Variants in IL17REL observed in about 807,000 individuals in gnomAD.
IL17REL encodes interleukin-17 receptor E-like protein.
A neutral mutation model predicts 49.0 loss-of-function variants in IL17REL; 36 were observed. The ratio of observed to expected loss-of-function variants is 0.73; its 90% confidence interval spans 0.56 to 0.97. IL17REL has a LOEUF of 0.97. IL17REL is among the 50% of genes least tolerant of loss of function. The pLI, the probability that IL17REL is intolerant of heterozygous loss-of-function variation, is 0.00. For synonymous variants in IL17REL, 206 were observed against 192.4 expected (o/e 1.07, Z -0.58); for missense variants, 470 against 453.9 (o/e 1.04, Z -0.32).
At chr22:49,997,890 AC>A in intron 9 of IL17REL, 134 bp downstream of exon 11, 1 of 1,402,730 alleles carries the variant, frequency 7.1e-7, no homozygotes, top group Non-Finnish European at 1.0e-6. Context: ...CCACTGTCAG[AC>A]CAGGAGGGGG....
chr22:50,010,913 G>T (rs2061137138), upstream of IL17REL, among the ~76,000 whole-genome samples: 1 of 151,848 alleles, frequency 6.6e-6, no homozygotes, highest in African/African-American at 2.4e-5. Flanking sequence ...GTCGGGGGGT[G>T]TGCAGGGAAC....
At chr22:50,011,174 C>G (rs2146765997), upstream of IL17REL, among the ~76,000 whole-genome samples, 1 of 151,756 alleles carries the variant, frequency 6.6e-6, no homozygotes, top group Admixed American at 6.5e-5. Flanking sequence ...ACCCCTCCTG[C>G]TCAACCCTCC....
In IL17REL at chr22:50,002,236, C is replaced by T. The variant is rs141413790; in HGVS notation, c.-41-1005G>A. 5.6e-3 allele frequency among the ~76,000 whole-genome samples: 852 copies of T among 152,310 alleles called. 7 individuals carry two copies. Among genetic ancestry groups the T allele is most frequent in the African/African-American group, 0.016 (682 of 41,566 alleles). ...TTCTTTTAGCTTTATGAAAACCCTG[C>T]GGAGCACTGCATTTGGGGCCTTGGC... On this transcript the variant is annotated intron_variant, in intron 1 of 12. Coordinates refer to ENST00000341280, the Ensembl canonical transcript of IL17REL.
intron 9 of IL17REL, 48 bp from the exon 12 acceptor site, chr22:49,997,790 A>G: frequency 1.3e-6 from 2 of 1,580,510 alleles, no homozygotes; most frequent in Non-Finnish European, 1.7e-6. Context: ...TGTGTGAGGC[A>G]GGGGCAGGGA....
At chr22:49,992,251 C>A (rs762551316), downstream of IL17REL, among the ~76,000 whole-genome samples, 2 of 152,120 alleles carry the variant, frequency 1.3e-5, no homozygotes, top group African/African-American at 4.8e-5. Context: ...CAGGACACCC[C>A]GAAGGCCTCA....
chr22:50,012,606 C>T (rs1017262065), upstream of IL17REL: 1 of 152,274 alleles, frequency 6.6e-6, no homozygotes, highest in Admixed American at 6.5e-5. Flanking sequence ...GAAAGTGCCC[C>T]AGGTCAGGCC....
In IL17REL at chr22:49,997,089, G is replaced by T; in HGVS notation, c.975-15C>A. On this transcript the variant is annotated splice_polypyrimidine_tract_variant and intron_variant, in intron 11 of 12. Coordinates refer to ENST00000341280, the Ensembl canonical transcript of IL17REL. ...GCCAGGTCACCCTGGGTGGGGGAGG[G>T]CAGGTCACAGGCAATGGGAGGAAGG... 6.4e-7 allele frequency: 1 copy of T among 1,572,220 alleles called. No homozygotes were observed. Among genetic ancestry groups the T allele is most frequent in the Non-Finnish European group, 8.6e-7 (1 of 1,162,756 alleles).
chr22:50,000,134 G>A (rs1008328450), intron 4 of IL17REL, among the ~76,000 whole-genome samples, 62 bp downstream of exon 6: 1 of 152,228 alleles, frequency 6.6e-6, no homozygotes, highest in African/African-American at 2.4e-5. Flanking sequence ...AAGACCCCGG[G>A]GAGAGGAAGC....
intron 1 of IL17REL, among the ~76,000 whole-genome samples, chr22:50,002,327 T>C (rs1241572656): frequency 1.3e-5 from 2 of 152,154 alleles, no homozygotes; most frequent in Non-Finnish European, 2.9e-5. Flanking sequence ...GTGCCCTCCT[T>C]ACTCCATTAT....
At chr22:50,007,668 C>T (rs1249592616) in intron 1 of IL17REL, among the ~76,000 whole-genome samples, 4 of 151,940 alleles carry the variant, frequency 2.6e-5, no homozygotes, top group African/African-American at 7.2e-5. Flanking sequence ...TGTGAGCCAC[C>T]GCATCAGCCA....
chr22:50,011,314 CT>C (rs1404312816), upstream of IL17REL, among the ~76,000 whole-genome samples: 1 of 151,778 alleles, frequency 6.6e-6, no homozygotes, highest in East Asian at 1.9e-4. Context: ...TGCCCCTTTC[CT>C]TGGAGTACTG....
chr22:49,992,571 G>C (rs975270783), downstream of IL17REL, among the ~76,000 whole-genome samples: 1 of 152,162 alleles, frequency 6.6e-6, no homozygotes, highest in Non-Finnish European at 1.5e-5. Context: ...GGGATTACAG[G>C]TGTGCAACAC....
At chr22:50,000,274 C>G (rs1251451064) in intron 4 of IL17REL, among the ~76,000 whole-genome samples, 34 bp from the exon 6 acceptor site, 1 of 152,222 alleles carries the variant, frequency 6.6e-6, no homozygotes, top group Non-Finnish European at 1.5e-5. Flanking sequence ...GGGGTGCGGG[C>G]TGCCCTGCCC....
At chr22:50,002,193 G>C (rs772774708) in intron 1 of IL17REL, among the ~76,000 whole-genome samples, 1 of 152,208 alleles carries the variant, frequency 6.6e-6, no homozygotes, top group Non-Finnish European at 1.5e-5. Flanking sequence ...CCAAAGGGCA[G>C]CTAGGAGTGT....
rs138321987 is a variant in IL17REL, at chr22:49,998,826, C to T, written c.601+465G>A. On this transcript the variant is annotated intron_variant, in intron 7 of 12. Transcript: ENST00000341280. ...GTGTGCCTGCCTGCGCGTGGGTGTG[C>T]GTGTGCATGTGTATGTGTGTGCATG... Among the ~76,000 whole-genome samples, 300 of 146,406 alleles carry T rather than the reference C, an allele frequency of 2.0e-3. 1 individual carries two copies. Among genetic ancestry groups the T allele is most frequent in the African/African-American group, 7.4e-3 (291 of 39,180 alleles).
intron 1 of IL17REL, among the ~76,000 whole-genome samples, chr22:50,003,052 C>G (rs993646502): frequency 1.3e-5 from 2 of 152,216 alleles, no homozygotes; most frequent in Admixed American, 6.5e-5. Context: ...GCTTGGCACA[C>G]TCCCTGAGAG....
exon 13 of IL17REL, chr22:49,996,065 G>A: frequency 6.5e-6 from 1 of 152,710 alleles, no homozygotes; most frequent in South Asian, 2.1e-4. Context: ...CTGAAGGTCT[G>A]CGGGTACTGC....
chr22:50,005,824 A>ATAAAT (rs112600766), intron 1 of IL17REL, among the ~76,000 whole-genome samples: 1 of 150,706 alleles, frequency 6.6e-6, no homozygotes, highest in Non-Finnish European at 1.5e-5. Context: ...CAGAAAATAA[A>ATAAAT]AAAATAAAAT....
chr22:49,994,432 C>G (rs1207066179), downstream of IL17REL: 1 of 152,486 alleles, frequency 6.6e-6, no homozygotes, highest in African/African-American at 2.4e-5. Context: ...GCTCTTGGGT[C>G]CAGCCTGGTG....
Sources: allele counts gnomAD v4.1 joint callset (sites outside exome capture counted in the v4.1 genomes callset), GRCh38; gene constraint gnomAD v4.1.1; transcripts MANE v1.5; gene names NCBI Gene and HGNC (gene_info 2026-07-23, HGNC 2026-07-21).